The following TMED5 variants were observed in gnomAD, a reference collection of about 807,000 sequenced individuals.
The protein encoded by TMED5 is transmembrane emp24 domain-containing protein 5.
TMED5 carries 27 observed loss-of-function variants against 23.0 expected under a neutral mutation model. The observed-to-expected ratio is 1.17, with a 90% CI of 0.86 to 1.62. TMED5 has a LOEUF of 1.62. Ranked by LOEUF, TMED5 falls within the 40% of genes most tolerant of loss-of-function variation. The probability of loss-of-function intolerance (pLI) is 0.00; values close to 1 mark genes in which losing one functional copy is unlikely to be tolerated. For missense variants in TMED5, 248 were observed against 273.7 expected (o/e 0.91, Z 0.66); for synonymous variants, 97 against 100.8 (o/e 0.96, Z 0.23).
At chr1:93,174,084 A>C (rs886310247) in intron 1 of TMED5, among the ~76,000 whole-genome samples, 3 of 151,876 alleles carry the variant, frequency 2.0e-5, no homozygotes, top group Non-Finnish European at 2.9e-5. Flanking sequence ...CAGCCTCCCG[A>C]GTAGCTGGGA....
intron 3 of TMED5, 76 bp from the exon 4 acceptor site, chr1:93,154,964 G>C: frequency 1.9e-6 from 2 of 1,068,250 alleles, no homozygotes; most frequent in Non-Finnish European, 2.7e-6. Flanking sequence ...GAGGCTGGGT[G>C]CAGTGACTCA....
Position 93,154,586 on chromosome 1 carries a change from G to A in TMED5, c.*84C>T. Reference sequence around the variant, plus strand: ...CTTTTATATCTCAAAATATTTTGGAGAAGACCATTAATGGTCTTGACTGTA... The same window carrying A: ...CTTTTATATCTCAAAATATTTTGGAAAAGACCATTAATGGTCTTGACTGTA... On this transcript the variant is annotated 3_prime_UTR_variant, in exon 4 of 4. Transcript: ENST00000370282. 1 of 860,730 alleles carries A rather than the reference G, an allele frequency of 1.2e-6. No homozygotes were observed. The highest frequency in any genetic ancestry group is 1.7e-5 in the African/African-American group (1 of 58,786). The allele number at this position is 860,730 out of a possible 1,614,324, so 53.3% of individuals were successfully genotyped here.
At chr1:93,158,547 C>T (rs754068363) in intron 2 of TMED5, among the ~76,000 whole-genome samples, 1 of 150,854 alleles carries the variant, frequency 6.6e-6, no homozygotes, top group Non-Finnish European at 1.5e-5. Flanking sequence ...TTTTAAAATT[C>T]TGAAACTTAA....
At position 93,151,914 on chromosome 1, in the gene TMED5, C is replaced by CTGTT. The variant is rs1647892209; in HGVS notation, c.*2752_*2755dup. On this transcript the variant is annotated 3_prime_UTR_variant, in exon 4 of 4. Coordinates refer to ENST00000370282, the MANE Select transcript of TMED5 (RefSeq NM_016040.5). ...ACAATACGTTGCTTATTTAAGATGGCTGTTTATAAGTATAAAGCAGTTTGA... is the reference window on the plus strand; with the variant it reads ...ACAATACGTTGCTTATTTAAGATGGCTGTTTGTTTATAAGTATAAAGCAGTTTGA... The CTGTT allele has an allele frequency of 6.6e-6, 1 of 152,176 alleles. No individual in the cohort carries two copies. Among genetic ancestry groups the CTGTT allele is most frequent in the Admixed American group, 6.5e-5 (1 of 15,274 alleles). 9.4% of individuals were successfully genotyped at this position (152,176 alleles called of 1,614,324 possible). A position where few individuals can be genotyped will look rare whatever the true frequency, so the allele number is the denominator to read the frequency against.
intron 1 of TMED5, among the ~76,000 whole-genome samples, chr1:93,177,238 T>C (rs1648946789): frequency 1.3e-5 from 2 of 152,198 alleles, no homozygotes; most frequent in South Asian, 4.1e-4. Context: ...CAAATGATTT[T>C]ACCTCTTTCC....
At chr1:93,162,829 A>T (rs1648332224) in intron 1 of TMED5, 1 of 152,232 alleles carries the variant, frequency 6.6e-6, no homozygotes, top group African/African-American at 2.4e-5. Flanking sequence ...ATTCTTACAT[A>T]TAACATTAGA....
chr1:93,178,743 G>A (rs1649052897), intron 1 of TMED5, among the ~76,000 whole-genome samples: 1 of 152,020 alleles, frequency 6.6e-6, no homozygotes, highest in Non-Finnish European at 1.5e-5. Context: ...TGTGCTTATC[G>A]TGTGTATCTA....
intron 1 of TMED5, among the ~76,000 whole-genome samples, chr1:93,175,696 A>G (rs1648889185): frequency 6.6e-6 from 1 of 152,092 alleles, no homozygotes; most frequent in East Asian, 1.9e-4. Context: ...GGCTCTATAC[A>G]AAAATGAAAG....
At chr1:93,163,385 C>T (rs2101139620) in intron 1 of TMED5, among the ~76,000 whole-genome samples, 1 of 148,420 alleles carries the variant, frequency 6.7e-6, no homozygotes, top group East Asian at 2.0e-4. Flanking sequence ...CGCTTTGTTG[C>T]CCAGGCTGGA....
At chr1:93,163,498 C>T (rs1254339433) in intron 1 of TMED5, among the ~76,000 whole-genome samples, 3 of 151,704 alleles carry the variant, frequency 2.0e-5, no homozygotes, top group African/African-American at 7.3e-5. Context: ...GCATGCGCCA[C>T]CATGCCCGGC....
chr1:93,178,873 A>G (rs1317705199), intron 1 of TMED5, among the ~76,000 whole-genome samples: 1 of 152,210 alleles, frequency 6.6e-6, no homozygotes, highest in Non-Finnish European at 1.5e-5. Flanking sequence ...AAAAATTAAC[A>G]TTTGATGATT....
At chr1:93,161,820 G>T (rs924113704) in intron 1 of TMED5, 1 of 152,186 alleles carries the variant, frequency 6.6e-6, no homozygotes, top group Non-Finnish European at 1.5e-5. Context: ...TGATAAGATG[G>T]ATGAAAATTT....
intron 2 of TMED5, among the ~76,000 whole-genome samples, chr1:93,157,668 C>T (rs1648123036): frequency 6.6e-6 from 1 of 152,086 alleles, no homozygotes; most frequent in Non-Finnish European, 1.5e-5. Context: ...CACCATTGCA[C>T]TCTGGCCTGG....
chr1:93,156,303 G>A lies in TMED5; in HGVS notation c.468C>T (p.Ile156=), dbSNP rs761648986. 6.2e-7 allele frequency: 1 copy of A among 1,612,242 alleles called. No individual in the cohort carries two copies. The highest frequency in any genetic ancestry group is 8.5e-7 in the Non-Finnish European group (1 of 1,178,632). Residue 156 remains isoleucine (I), a synonymous_variant, in exon 3 of 4, where the codon ATC becomes ATT. Transcript: ENST00000370282. ...TDILDMKLED[I]LESINSIKSR... ...TTTATTAGAAGACCATACTGACCAG[G>A]ATGTCTTCCAGTTTCATATCCAATA...
At chr1:93,161,299 T>A (rs1015454256) in intron 1 of TMED5, 3 of 152,108 alleles carry the variant, frequency 2.0e-5, no homozygotes, top group African/African-American at 7.2e-5. Flanking sequence ...CTAGGCCACA[T>A]TAAAAAAAAT....
rs1647871377 is a variant in TMED5 at position 93,151,408 on chromosome 1, T to C, written c.*3262A>G. 1 of 152,158 alleles carries C rather than the reference T, an allele frequency of 6.6e-6. No homozygotes were observed. Among genetic ancestry groups the C allele is most frequent in the African/African-American group, 2.4e-5 (1 of 41,434 alleles). 9.4% of individuals were successfully genotyped at this position (152,158 alleles called of 1,614,324 possible). A position where few individuals can be genotyped will look rare whatever the true frequency, so the allele number is the denominator to read the frequency against. On this transcript the variant is annotated 3_prime_UTR_variant, in exon 4 of 4. Transcript: ENST00000370282. The stretch of plus-strand genomic sequence containing the variant: ...ACAAGTTTTAAAATATTTCTGAAAA[T>C]GAAATAGTCTCAAAGGAGTTTTGAT...
intron 1 of TMED5, among the ~76,000 whole-genome samples, chr1:93,175,299 C>CTATATA (rs1239274904): frequency 3.6e-5 from 4 of 110,642 alleles, no homozygotes; most frequent in Non-Finnish European, 5.7e-5. Flanking sequence ...TCCCTTATGC[C>CTATATA]TATATATATA....
chr1:93,179,076 A>G (rs1366700661), intron 1 of TMED5, among the ~76,000 whole-genome samples: 1 of 152,182 alleles, frequency 6.6e-6, no homozygotes, highest in Non-Finnish European at 1.5e-5. Context: ...CTAAAAAGAA[A>G]ACATGCTAGG....
chr1:93,157,232 A>G (rs2783506), intron 2 of TMED5, among the ~76,000 whole-genome samples: 125,900 of 152,118 alleles, frequency 0.83, 52,329 homozygotes, highest in East Asian at 1. Flanking sequence ...TTTGCCTATT[A>G]ACTGCCACTG....
Sources: allele counts gnomAD v4.1 joint callset (sites outside exome capture counted in the v4.1 genomes callset), GRCh38; gene constraint gnomAD v4.1.1; transcripts MANE v1.5; gene names NCBI Gene and HGNC (gene_info 2026-07-23, HGNC 2026-07-21).